The following BCL2 variants were observed in gnomAD, a reference collection of about 807,000 sequenced individuals.
The protein encoded by BCL2 is apoptosis regulator Bcl-2.
Under a neutral mutation model 14.2 loss-of-function variants are expected in BCL2, and 1 was observed. The ratio of observed to expected loss-of-function variants is 0.07; its 90% CI spans 0.02 to 0.33. The LOEUF (loss-of-function observed/expected upper bound fraction) is 0.33. Among genes scored for constraint, BCL2 ranks in the 10% least tolerant of loss-of-function variants. BCL2 has a pLI of 0.99. For synonymous variants in BCL2, 151 were observed against 137.2 expected (o/e 1.10, Z -0.70); for missense variants, 247 against 305.9 (o/e 0.81, Z 1.44).
intron 2 of BCL2, among the ~76,000 whole-genome samples, chr18:63,218,728 ATCC>A (rs1356088389): frequency 2.3e-3 from 4 of 1,766 alleles, no homozygotes; most frequent in South Asian, 0.045. Context: ...ACTCCTCCCC[ATCC>A]TCCACTCATC....
chr18:63,166,169 C>T (rs574901441), intron 2 of BCL2, among the ~76,000 whole-genome samples: 1 of 152,206 alleles, frequency 6.6e-6, no homozygotes, highest in South Asian at 2.1e-4. Context: ...CAGTCCCATG[C>T]CCCAGAGAGA....
intron 2 of BCL2, among the ~76,000 whole-genome samples, chr18:63,305,327 G>A (rs1472474388): frequency 6.6e-6 from 1 of 152,204 alleles, no homozygotes; most frequent in African/African-American, 2.4e-5. Context: ...ATCCAGAGAA[G>A]CAGCACAGGA....
chr18:63,201,630 T>C (rs569762316), intron 2 of BCL2, among the ~76,000 whole-genome samples: 12 of 152,292 alleles, frequency 7.9e-5, no homozygotes, highest in African/African-American at 2.2e-4. Flanking sequence ...ATATACACCA[T>C]GGAATACTAT....
intron 2 of BCL2, among the ~76,000 whole-genome samples, chr18:63,192,232 G>A (rs1420469644): frequency 6.6e-6 from 1 of 152,228 alleles, no homozygotes; most frequent in Non-Finnish European, 1.5e-5. Flanking sequence ...GCAAGAAGGA[G>A]CCAGCCCTGG....
intron 2 of BCL2, among the ~76,000 whole-genome samples, chr18:63,218,964 TAACTG>T (rs1388180116): frequency 6.6e-6 from 1 of 152,208 alleles, no homozygotes; most frequent in African/African-American, 2.4e-5. Flanking sequence ...AGCCTCTTCT[TAACTG>T]GTCTCCCTGC....
At chr18:63,312,257 G>T (rs531863659) in intron 2 of BCL2, among the ~76,000 whole-genome samples, 2 of 152,172 alleles carry the variant, frequency 1.3e-5, no homozygotes, top group African/African-American at 2.4e-5. Flanking sequence ...GTCCCTCACC[G>T]GTGGAATGAT....
intron 2 of BCL2, among the ~76,000 whole-genome samples, chr18:63,170,080 A>G (rs1463982858): frequency 2.6e-5 from 4 of 152,154 alleles, no homozygotes; most frequent in Non-Finnish European, 4.4e-5. Flanking sequence ...TGGCTCAGTC[A>G]CTTACCACTG....
intron 2 of BCL2, among the ~76,000 whole-genome samples, chr18:63,264,266 C>T (rs558859384): frequency 5.9e-5 from 9 of 152,240 alleles, no homozygotes; most frequent in African/African-American, 2.2e-4. Flanking sequence ...TGATAACATG[C>T]TCCCTGCCTG....
rs555501678 is a variant in BCL2, at chr18:63,203,208, C to T, written c.586-74449G>A. Among the ~76,000 whole-genome samples, 14 of 152,208 alleles carry T rather than the reference C, an allele frequency of 9.2e-5. No homozygotes were observed. The East Asian group carries it at 1.4e-3, about 15-fold the overall frequency. Reference sequence around the variant, plus strand: ...AACAGTCTACCTTCTGCATCCATTGCGGGAGGGCCAGACAAGGTTTTATTT... The same window carrying T: ...AACAGTCTACCTTCTGCATCCATTGTGGGAGGGCCAGACAAGGTTTTATTT... On this transcript the variant is annotated intron_variant, in intron 2 of 2. Coordinates refer to ENST00000333681, the MANE Select transcript of BCL2 (RefSeq NM_000633.3).
At position 63,178,899 on chromosome 18, in the gene BCL2, CAAA is replaced by C. The variant is rs111876869; in HGVS notation, c.586-50143_586-50141del. 1.8e-3 allele frequency among the ~76,000 whole-genome samples: 236 copies of C among 132,876 alleles called. 1 individual carries two copies. Among genetic ancestry groups the C allele is most frequent in the Middle Eastern group, 7.4e-3 (2 of 272 alleles). The allele number at this position is 132,876 out of a possible 152,430, so 87.2% of individuals were successfully genotyped here. A position where few individuals can be genotyped will look rare whatever the true frequency, so the allele number is the denominator to read the frequency against. ...GCAGGGAAGGGAAAGGGGTTCAAGGCAAAAAAAAAAAAAAAAAGTCAGTTGAAG... is the reference window on the plus strand; with the variant it reads ...GCAGGGAAGGGAAAGGGGTTCAAGGCAAAAAAAAAAAAAAGTCAGTTGAAG... On this transcript the variant is annotated intron_variant, in intron 2 of 2. Transcript: ENST00000333681.
At chr18:63,298,678 C>G (rs190816180) in intron 2 of BCL2, among the ~76,000 whole-genome samples, 1 of 152,232 alleles carries the variant, frequency 6.6e-6, no homozygotes, top group African/African-American at 2.4e-5. Context: ...CTATCTCTTT[C>G]TAGGACTATT....
At chr18:63,317,560 G>T in intron 2 of BCL2, 1 of 987,416 alleles carries the variant, frequency 1.0e-6, no homozygotes, top group Non-Finnish European at 1.2e-6. Context: ...AAATTTTACC[G>T]ATTGATGATG....
intron 2 of BCL2, among the ~76,000 whole-genome samples, chr18:63,178,424 T>C (rs569433286): frequency 6.6e-6 from 1 of 152,340 alleles, no homozygotes; most frequent in African/African-American, 2.4e-5. Flanking sequence ...AAACGGTTTA[T>C]GGATGTGGGC....
At chr18:63,197,223 C>T (rs759609904) in intron 2 of BCL2, among the ~76,000 whole-genome samples, 7 of 152,202 alleles carry the variant, frequency 4.6e-5, no homozygotes, top group African/African-American at 1.4e-4. Flanking sequence ...GAGTCCAACC[C>T]GGCTAAGCGC....
intron 2 of BCL2, among the ~76,000 whole-genome samples, chr18:63,175,688 T>A (rs551331801): frequency 6.6e-6 from 1 of 152,236 alleles, no homozygotes; most frequent in Admixed American, 6.5e-5. Context: ...TGCTCTCTCC[T>A]CCTCCCACTA....
intron 2 of BCL2, among the ~76,000 whole-genome samples, chr18:63,299,090 TAAGA>T (rs1912882434): frequency 6.6e-6 from 1 of 152,184 alleles, no homozygotes; most frequent in East Asian, 1.9e-4. Context: ...AGTACTGTTG[TAAGA>T]AAGAAATACA....
intron 2 of BCL2, among the ~76,000 whole-genome samples, chr18:63,222,468 G>A (rs1204223673): frequency 1.3e-5 from 2 of 151,712 alleles, no homozygotes; most frequent in African/African-American, 4.8e-5. Context: ...CTCAAATGGA[G>A]TACAAAATAA....
chr18:63,167,925 CAAAAA>C (rs11348997), intron 2 of BCL2, among the ~76,000 whole-genome samples: 2 of 122,500 alleles, frequency 1.6e-5, no homozygotes, highest in African/African-American at 2.7e-5. Flanking sequence ...GACTCCGTCT[CAAAAA>C]AAAAAAAAAA....
At chr18:63,296,534 GCTCAAGTGATC>G (rs1912799666) in intron 2 of BCL2, among the ~76,000 whole-genome samples, 1 of 152,154 alleles carries the variant, frequency 6.6e-6, no homozygotes, top group Non-Finnish European at 1.5e-5. Context: ...GAACACCTGG[GCTCAAGTGATC>G]CTCCAGCCTC....
Sources: allele counts gnomAD v4.1 joint callset (sites outside exome capture counted in the v4.1 genomes callset), GRCh38; gene constraint gnomAD v4.1.1; transcripts MANE v1.5; gene names NCBI Gene and HGNC (gene_info 2026-07-23, HGNC 2026-07-21).